The following RAB11FIP5 variants were observed in gnomAD, a reference collection of about 807,000 sequenced individuals.
RAB11FIP5 encodes the protein RAB11 family interacting protein 5.
In RAB11FIP5, 48 loss-of-function variants were observed where a neutral mutation model predicts 85.1. The observed-to-expected ratio is 0.56, with a 90% CI of 0.45 to 0.72. RAB11FIP5 has a LOEUF of 0.72. Ranked by LOEUF, RAB11FIP5 falls within the 30% of genes least tolerant of loss-of-function variation. The pLI is 0.00. For missense variants in RAB11FIP5, 1,491 were observed against 1,687.0 expected (o/e 0.88, Z 2.04); for synonymous variants, 729 against 727.3 (o/e 1.00, Z -0.04).
intron 1 of RAB11FIP5, among the ~76,000 whole-genome samples, chr2:73,095,505 T>G (rs1039743737): frequency 3.3e-5 from 5 of 152,196 alleles, no homozygotes; most frequent in Non-Finnish European, 7.4e-5. Context: ...GGGCTGCACA[T>G]GAGGGGGCTA....
At position 73,079,798 on chromosome 2, in the gene RAB11FIP5, G is replaced by T; in HGVS notation, c.3434C>A (p.Ala1145Asp). 1.6e-6 allele frequency: 2 copies of T among 1,232,410 alleles called. No homozygotes were observed. The highest frequency in any genetic ancestry group is 2.0e-6 in the Non-Finnish European group (2 of 988,160). 76.3% of individuals were successfully genotyped at this position (1,232,410 alleles called of 1,614,324 possible). The part of the protein sequence containing the change: ...TTSSAPPGEP[A>D]LLPGPHEPSP... ...GGGCTCATGGGGGCCAGGGAGTAAG[G>T]CTGGCTCCCCTGGTGGTGCAGAGGA... Residue 1145 changes from alanine (A) to aspartate (D), a missense_variant, in exon 4 of 6, where the codon GCC becomes GAC. Transcript: ENST00000486777.
At position 73,089,729 on chromosome 2, in the gene RAB11FIP5, AC is replaced by A. The variant is rs1684171992; in HGVS notation, c.432-415del. 1 of 316,388 alleles carries A rather than the reference AC, an allele frequency of 3.2e-6. No individual in the cohort carries two copies. The highest frequency in any genetic ancestry group is 2.7e-5 in the South Asian group (1 of 37,104). The allele number at this position is 316,388 out of a possible 1,614,324, so 19.6% of individuals were successfully genotyped here. A position where few individuals can be genotyped will look rare whatever the true frequency, so the allele number is the denominator to read the frequency against. On this transcript the variant is annotated intron_variant, in intron 1 of 5. Transcript: ENST00000486777. The surrounding 1 kb of genome is among the most constrained non-coding windows in gnomAD (Gnocchi z 4.6). Reference sequence around the variant, plus strand: ...CATCTCCAGGCCCCAGCACAGACAGACCTACCCACATTTCTCCCTGTTGACA... The same window carrying A: ...CATCTCCAGGCCCCAGCACAGACAGACTACCCACATTTCTCCCTGTTGACA...
chr2:73,074,901 A>G lies in RAB11FIP5; in HGVS notation c.*620T>C, dbSNP rs181379691. 7.5e-4 allele frequency: 239 copies of G among 319,764 alleles called. 2 individuals carry two copies. The highest frequency in any genetic ancestry group is 3.7e-3 in the African/African-American group (170 of 46,550). The allele number at this position is 319,764 out of a possible 1,614,324, so 19.8% of individuals were successfully genotyped here. On this transcript the variant is annotated 3_prime_UTR_variant, in exon 6 of 6. Coordinates refer to ENST00000486777, the MANE Select transcript of RAB11FIP5 (RefSeq NM_001371272.1). The stretch of plus-strand genomic sequence containing the variant: ...ACACACATCATCCACCACTGTCCAC[A>G]TGGCACTCGCCCCACAAACAGCTCC...
At position 73,075,792 on chromosome 2, in the gene RAB11FIP5, GC is replaced by G. The variant is rs1683847384; in HGVS notation, c.3772-69del. 1 of 1,502,042 alleles carries G rather than the reference GC, an allele frequency of 6.7e-7. No individual in the cohort carries two copies. The highest frequency in any genetic ancestry group is 1.3e-5 in the South Asian group (1 of 78,696). 93.0% of individuals were successfully genotyped at this position (1,502,042 alleles called of 1,614,324 possible). A position where few individuals can be genotyped will look rare whatever the true frequency, so the allele number is the denominator to read the frequency against. ...TGCCTGCCTGCCTGCCCGCTTGCCCGCCCGCCCGCCTGCCCACCAACACCTA... is the reference window on the plus strand; with the variant it reads ...TGCCTGCCTGCCTGCCCGCTTGCCCGCCGCCCGCCTGCCCACCAACACCTA... On this transcript the variant is annotated intron_variant, in intron 5 of 5. Coordinates refer to ENST00000486777, the MANE Select transcript of RAB11FIP5 (RefSeq NM_001371272.1). The surrounding 1 kb of genome is among the most constrained non-coding windows in gnomAD (Gnocchi z 4.6).
At chr2:73,076,850 C>G (rs894390407) in intron 4 of RAB11FIP5, among the ~76,000 whole-genome samples, 3 of 152,190 alleles carry the variant, frequency 2.0e-5, no homozygotes, top group Admixed American at 6.5e-5. Flanking sequence ...GACTCCTTAA[C>G]CCATTAGAAC....
chr2:73,112,589 C>T lies in RAB11FIP5; in HGVS notation c.189G>A (p.Thr63=), dbSNP rs775604455. Reference sequence around the variant, plus strand: ...CCTCACGCCACTCGGGGCAGCCGTGCGTCTTCTCCACCACCGACGTACTGT... The same window carrying T: ...CCTCACGCCACTCGGGGCAGCCGTGTGTCTTCTCCACCACCGACGTACTGT... ...EKYSTSVVEK[T]HGCPEWREEC... The change falls in exon 1 of 6, where the codon ACG becomes ACA. Residue 63 remains threonine, a synonymous_variant. Transcript: ENST00000486777. 1 of 1,598,222 alleles carries T rather than the reference C, an allele frequency of 6.3e-7. No homozygotes were observed. The highest frequency in any genetic ancestry group is 8.5e-7 in the Non-Finnish European group (1 of 1,174,072).
chr2:73,078,786 T>C lies in RAB11FIP5; in HGVS notation c.3581+865A>G, dbSNP rs1683909702. On this transcript the variant is annotated intron_variant, in intron 4 of 5. Coordinates refer to ENST00000486777, the MANE Select transcript of RAB11FIP5 (RefSeq NM_001371272.1). The surrounding 1 kb of genome is among the most constrained non-coding windows in gnomAD (Gnocchi z 4.4). ...ACTCGGTCCTCCTAGAGCGCTATCG[T>C]CCCAGAGGGACTTGCTGCCTTCTAA... 1.3e-5 allele frequency among the ~76,000 whole-genome samples: 2 copies of C among 152,156 alleles called. No individual in the cohort carries two copies. Among genetic ancestry groups the C allele is most frequent in the Admixed American group, 1.3e-4 (2 of 15,284 alleles).
rs371707638 is a variant in RAB11FIP5 at position 73,075,987 on chromosome 2, C to T, written c.3771+6G>A. ...CAGATGGCCCCCACACCCTGCTGGG[C>T]CTTACCTTCAGCCTTTTGGTGTCCA... On this transcript the variant is annotated splice_donor_region_variant and intron_variant, in intron 5 of 5. Transcript: ENST00000486777. This position sits in a 1 kb window ranked among gnomAD's most constrained non-coding sequence, Gnocchi z 4.6. The T allele has an allele frequency of 2.9e-5, 46 of 1,609,800 alleles. No homozygotes were observed. The highest frequency in any genetic ancestry group is 3.7e-5 in the Non-Finnish European group (44 of 1,176,960).
chr2:73,083,711 G>A (rs1405932673), intron 3 of RAB11FIP5, among the ~76,000 whole-genome samples: 1 of 152,130 alleles, frequency 6.6e-6, no homozygotes, highest in Non-Finnish European at 1.5e-5. Context: ...CCTGCTGTGG[G>A]GACCAAGGGG....
At position 73,089,530 on chromosome 2, in the gene RAB11FIP5, C is replaced by T. The variant is rs1185876791; in HGVS notation, c.432-215G>A. 1.5e-6 allele frequency: 1 copy of T among 647,384 alleles called. No homozygotes were observed. The highest frequency in any genetic ancestry group is 2.8e-5 in the East Asian group (1 of 35,628). The allele number at this position is 647,384 out of a possible 1,614,324, so 40.1% of individuals were successfully genotyped here. A position where few individuals can be genotyped will look rare whatever the true frequency, so the allele number is the denominator to read the frequency against. On this transcript the variant is annotated intron_variant, in intron 1 of 5. Transcript: ENST00000486777. The surrounding 1 kb of genome is among the most constrained non-coding windows in gnomAD (Gnocchi z 4.6). Reference sequence around the variant, plus strand: ...ATTTCCATGATGGAGAAAACCACATCCTGAGTGGGGAAGCTCCTCGGGTGC... The same window carrying T: ...ATTTCCATGATGGAGAAAACCACATTCTGAGTGGGGAAGCTCCTCGGGTGC...
Position 73,080,842 on chromosome 2 carries a change from A to T in RAB11FIP5, c.2390T>A (p.Val797Glu). ...CTCTGGGCCCGGCAGCCTCTCCCAC[A>T]CACTGATCACTTCTGGGGAGCTAAA... ...SLFSSPEVIS[V>E]WERLPGPESA... Residue 797 changes from valine (V) to glutamate (E), a missense_variant, in exon 4 of 6, where the codon GTG becomes GAG. Transcript: ENST00000486777. 8.1e-7 allele frequency: 1 copy of T among 1,232,434 alleles called. No homozygotes were observed. Among genetic ancestry groups the T allele is most frequent in the Non-Finnish European group, 1.0e-6 (1 of 988,206 alleles). The allele number at this position is 1,232,434 out of a possible 1,614,324, so 76.3% of individuals were successfully genotyped here.
At chr2:73,077,247 T>C (rs973397475) in intron 4 of RAB11FIP5, among the ~76,000 whole-genome samples, 9 of 152,194 alleles carry the variant, frequency 5.9e-5, no homozygotes, top group African/African-American at 1.9e-4. Flanking sequence ...GCCCTAGCAG[T>C]GAGGAGCACC....
At chr2:73,111,850 A>G (rs1684661736) in intron 1 of RAB11FIP5, among the ~76,000 whole-genome samples, 1 of 152,174 alleles carries the variant, frequency 6.6e-6, no homozygotes, top group Admixed American at 6.5e-5. Context: ...GCCAGCTTCT[A>G]CGTTTAGCGG....
rs1436279910 is a variant in RAB11FIP5 at position 73,073,416 on chromosome 2, CT to C, written c.*2104del. ...TGAATGTTTTATTCTTCATAAAGTGCTTAAAACATGAAGAACAAGCTCTTTA... is the reference window on the plus strand; with the variant it reads ...TGAATGTTTTATTCTTCATAAAGTGCTAAAACATGAAGAACAAGCTCTTTA... On this transcript the variant is annotated 3_prime_UTR_variant, in exon 6 of 6. Coordinates refer to ENST00000486777, the MANE Select transcript of RAB11FIP5 (RefSeq NM_001371272.1). 3 of 152,650 alleles carry C rather than the reference CT, an allele frequency of 2.0e-5. No homozygotes were observed. Among genetic ancestry groups the C allele is most frequent in the African/African-American group, 7.2e-5 (3 of 41,442 alleles). 9.5% of individuals were successfully genotyped at this position (152,650 alleles called of 1,614,324 possible). A position where few individuals can be genotyped will look rare whatever the true frequency, so the allele number is the denominator to read the frequency against.
intron 1 of RAB11FIP5, among the ~76,000 whole-genome samples, chr2:73,098,774 T>A (rs1433428760): frequency 6.6e-5 from 10 of 152,154 alleles, no homozygotes; most frequent in Admixed American, 6.5e-4. Flanking sequence ...AAAAATCACA[T>A]CTTTATTTCC....
rs1683900901 is a variant in RAB11FIP5 at position 73,078,313 on chromosome 2, T to G, written c.3581+1338A>C. On this transcript the variant is annotated intron_variant, in intron 4 of 5. Coordinates refer to ENST00000486777, the MANE Select transcript of RAB11FIP5 (RefSeq NM_001371272.1). This position sits in a 1 kb window ranked among gnomAD's most constrained non-coding sequence, Gnocchi z 4.4. Reference sequence around the variant, plus strand: ...GACAGCTCTATTTGGCCCGTCCACTTCATAACAGAAGGAACAAGCCCAGTA... The same window carrying G: ...GACAGCTCTATTTGGCCCGTCCACTGCATAACAGAAGGAACAAGCCCAGTA... Among the ~76,000 whole-genome samples the G allele has an allele frequency of 6.6e-6, 1 of 152,214 alleles. No homozygotes were observed. Among genetic ancestry groups the G allele is most frequent in the Non-Finnish European group, 1.5e-5 (1 of 68,032 alleles).
intron 4 of RAB11FIP5, 135 bp downstream of exon 4, chr2:73,079,515 TG>T (rs1402510885): frequency 1.8e-6 from 2 of 1,108,032 alleles, no homozygotes; most frequent in Non-Finnish European, 2.3e-6. Flanking sequence ...TGTACCGTCT[TG>T]CCTCTGGGGT....
intron 1 of RAB11FIP5, among the ~76,000 whole-genome samples, chr2:73,102,956 G>A (rs571615006): frequency 6.6e-6 from 1 of 152,238 alleles, no homozygotes; most frequent in Admixed American, 6.5e-5. Flanking sequence ...TATATTCAGA[G>A]TATGGTGACA....
intron 1 of RAB11FIP5, among the ~76,000 whole-genome samples, chr2:73,098,839 A>G (rs976759091): frequency 1.3e-5 from 2 of 152,204 alleles, no homozygotes; most frequent in Non-Finnish European, 2.9e-5. Flanking sequence ...TTGCAACAGT[A>G]GTACAGAAGT....
Sources: allele counts gnomAD v4.1 joint callset (sites outside exome capture counted in the v4.1 genomes callset), GRCh38; gene constraint gnomAD v4.1.1; non-coding constraint Gnocchi (gnomAD v3.1); transcripts MANE v1.5; gene names NCBI Gene and HGNC (gene_info 2026-07-23, HGNC 2026-07-21).